Variants in VDAC1 observed in about 807,000 individuals in gnomAD.
VDAC1 encodes the protein voltage dependent anion channel 1.
In VDAC1, 10 loss-of-function variants were observed where a neutral mutation model predicts 34.7. That is an observed-to-expected ratio of 0.29 (90% CI 0.18 to 0.49). The LOEUF (loss-of-function observed/expected upper bound fraction) is 0.49. Among genes scored for constraint, VDAC1 ranks in the 20% least tolerant of loss-of-function variants. VDAC1 has a pLI of 0.99. For synonymous variants in VDAC1, 130 were observed against 136.0 expected (o/e 0.96, Z 0.30); for missense variants, 230 against 347.9 (o/e 0.66, Z 2.69).
rs1382777838 is a variant in VDAC1 at position 133,994,157 on chromosome 5, G to A, written c.-6-1139C>T. 2.6e-5 allele frequency among the ~76,000 whole-genome samples: 4 copies of A among 152,128 alleles called. No homozygotes were observed. The East Asian group carries it at 7.7e-4, about 29-fold the overall frequency. On this transcript the variant is annotated intron_variant, in intron 1 of 8. Transcript: ENST00000265333. ...ATGCTCCTGGCATGTCATATGACAT[G>A]ATATGCTTCCATATCATCAATGGAA... is the stretch of plus-strand genomic sequence containing the variant.
chr5:134,004,170 G>T (rs1175210329), intron 1 of VDAC1, among the ~76,000 whole-genome samples: 2 of 152,136 alleles, frequency 1.3e-5, no homozygotes, highest in Admixed American at 1.3e-4. Context: ...CGGGGCCACG[G>T]TCGTCACGTG....
chr5:134,043,645 C>T, the VDAC1 span, among the ~76,000 whole-genome samples: 4 of 152,050 alleles, frequency 2.6e-5, no homozygotes, highest in African/African-American at 9.7e-5. Context: ...TATCCTCCCA[C>T]CTCAGCCTCC....
chr5:133,981,016 CTTT>C (rs76032174), intron 5 of VDAC1, 60 bp from the exon 6 acceptor site: 1,477 of 1,178,722 alleles, frequency 1.3e-3, no homozygotes, highest in Middle Eastern at 1.6e-3. Flanking sequence ...TGCAAGTTGT[CTTT>C]TTTTTTTTTT....
At chr5:134,018,970 G>A in the VDAC1 span, among the ~76,000 whole-genome samples, 1 of 152,094 alleles carries the variant, frequency 6.6e-6, no homozygotes, top group South Asian at 2.1e-4. Flanking sequence ...CCTCCATCAG[G>A]AAAGGACAAT....
chr5:133,979,567 T>C (rs1339901347), intron 6 of VDAC1, among the ~76,000 whole-genome samples: 1 of 151,342 alleles, frequency 6.6e-6, no homozygotes, highest in East Asian at 1.9e-4. Flanking sequence ...GTAGCTGGGA[T>C]TACAGGCACC....
the VDAC1 span, among the ~76,000 whole-genome samples, chr5:134,109,146 T>C: frequency 1.3e-5 from 2 of 152,172 alleles, no homozygotes; most frequent in Non-Finnish European, 2.9e-5. Flanking sequence ...CATCCTTCCA[T>C]TCAGCCATCC....
At chr5:134,016,084 TGGCCTCCAACTTTTAAAGGA>T in the VDAC1 span, among the ~76,000 whole-genome samples, 9 of 152,216 alleles carry the variant, frequency 5.9e-5, no homozygotes, top group Non-Finnish European at 1.0e-4. Context: ...CCCCCACACC[TGGCCTCCAACTTTTAAAGGA>T]GGCCTCCAAC....
the VDAC1 span, among the ~76,000 whole-genome samples, chr5:134,010,168 C>T: frequency 0.24 from 37,120 of 152,088 alleles, 5,350 homozygotes; most frequent in Non-Finnish European, 0.31. Flanking sequence ...TGGGAACCCA[C>T]GCTAAGACCA....
At chr5:134,000,455 G>A (rs1394094171) in intron 1 of VDAC1, among the ~76,000 whole-genome samples, 3 of 152,180 alleles carry the variant, frequency 2.0e-5, no homozygotes, top group African/African-American at 7.2e-5. Context: ...GGCCTGCGCT[G>A]GCAGCCAGTA....
At chr5:134,051,087 C>CTTCT in the VDAC1 span, among the ~76,000 whole-genome samples, 1 of 152,232 alleles carries the variant, frequency 6.6e-6, no homozygotes, top group Non-Finnish European at 1.5e-5. Context: ...ACCCCATGCC[C>CTTCT]TCCAGCTAGA....
the VDAC1 span, among the ~76,000 whole-genome samples, chr5:134,020,544 A>G: frequency 6.6e-6 from 1 of 152,092 alleles, no homozygotes; most frequent in Non-Finnish European, 1.5e-5. Flanking sequence ...GTGTGGCTTC[A>G]GTGTCATCCT....
At chr5:134,029,298 A>G in the VDAC1 span, among the ~76,000 whole-genome samples, 1 of 152,234 alleles carries the variant, frequency 6.6e-6, no homozygotes, top group Non-Finnish European at 1.5e-5. Context: ...GTCACCCAAG[A>G]ACTCCTGACC....
At chr5:134,063,891 A>G in the VDAC1 span, among the ~76,000 whole-genome samples, 1 of 152,166 alleles carries the variant, frequency 6.6e-6, no homozygotes, top group South Asian at 2.1e-4. Context: ...GAAGTGCAGT[A>G]GCACAATTAG....
At chr5:134,047,686 G>GT in the VDAC1 span, among the ~76,000 whole-genome samples, 1 of 152,204 alleles carries the variant, frequency 6.6e-6, no homozygotes, top group African/African-American at 2.4e-5. Flanking sequence ...TTCTTGTTCT[G>GT]TTTTTTCTGT....
At chr5:134,035,368 AGTAGCT>A in the VDAC1 span, among the ~76,000 whole-genome samples, 1 of 152,174 alleles carries the variant, frequency 6.6e-6, no homozygotes, top group Non-Finnish European at 1.5e-5. Context: ...CAGCCTCGCA[AGTAGCT>A]GGGACTACAC....
chr5:134,061,199 A>G, the VDAC1 span, among the ~76,000 whole-genome samples: 1 of 149,454 alleles, frequency 6.7e-6, no homozygotes, highest in Admixed American at 6.7e-5. Flanking sequence ...TTAAAGAAGC[A>G]AACTATACCT....
At chr5:134,043,432 T>A in the VDAC1 span, among the ~76,000 whole-genome samples, 14 of 152,168 alleles carry the variant, frequency 9.2e-5, no homozygotes, top group African/African-American at 3.1e-4. Flanking sequence ...AGAGCGAAAT[T>A]CTAGACTGCG....
the VDAC1 span, among the ~76,000 whole-genome samples, chr5:134,082,800 T>C: frequency 6.6e-6 from 1 of 152,258 alleles, no homozygotes; most frequent in Non-Finnish European, 1.5e-5. Context: ...GTGGTTTTAA[T>C]CTGCATTTCC....
At chr5:134,094,463 C>T in the VDAC1 span, among the ~76,000 whole-genome samples, 7 of 152,048 alleles carry the variant, frequency 4.6e-5, no homozygotes, top group African/African-American at 7.2e-5. Flanking sequence ...CTTGGGAGGC[C>T]GAGGCGGGCA....
Sources: allele counts gnomAD v4.1 joint callset (sites outside exome capture counted in the v4.1 genomes callset), GRCh38; gene constraint gnomAD v4.1.1; transcripts MANE v1.5; gene names NCBI Gene and HGNC (gene_info 2026-07-23, HGNC 2026-07-21).